Variants in NUDCD3 observed in about 807,000 individuals in gnomAD.
NUDCD3 encodes nudC domain-containing protein 3.
In NUDCD3, 13 loss-of-function variants were observed where a neutral mutation model predicts 39.7. That is an observed-to-expected ratio of 0.33 (90% CI 0.21 to 0.52). The LOEUF is 0.52. NUDCD3 is among the 20% of genes least tolerant of loss of function. The pLI is 0.96. For missense variants in NUDCD3, 453 were observed against 458.1 expected (o/e 0.99, Z 0.10); for synonymous variants, 175 against 172.4 (o/e 1.02, Z -0.12).
chr7:44,444,370 C>T (rs1033482600), intron 2 of NUDCD3, among the ~76,000 whole-genome samples: 2 of 152,106 alleles, frequency 1.3e-5, no homozygotes, highest in African/African-American at 2.4e-5. Flanking sequence ...AAGACCTGTC[C>T]GAGGTGTCCC....
chr7:44,489,826 TAC>T (rs1800694746), intron 1 of NUDCD3: 1 of 152,382 alleles, frequency 6.6e-6, no homozygotes, highest in African/African-American at 2.4e-5. Context: ...TGCTTACCAC[TAC>T]ATTCAAAAGT....
intron 3 of NUDCD3, among the ~76,000 whole-genome samples, chr7:44,415,009 G>A (rs1047359644): frequency 2.0e-5 from 3 of 152,178 alleles, no homozygotes; most frequent in Non-Finnish European, 4.4e-5. Flanking sequence ...ATCTATGAGA[G>A]GAAGAAGACT....
At chr7:44,485,787 G>C (rs1440791032) in intron 1 of NUDCD3, among the ~76,000 whole-genome samples, 1 of 152,212 alleles carries the variant, frequency 6.6e-6, no homozygotes, top group South Asian at 2.1e-4. Flanking sequence ...CCTACAGTGT[G>C]CAAGAAACAC....
intron 3 of NUDCD3, among the ~76,000 whole-genome samples, chr7:44,415,635 G>A (rs1799006394): frequency 6.6e-6 from 1 of 152,094 alleles, no homozygotes; most frequent in Non-Finnish European, 1.5e-5. Context: ...TACAGAAAAG[G>A]GATCAATGAG....
At chr7:44,427,229 G>A (rs1378756962) in intron 3 of NUDCD3, among the ~76,000 whole-genome samples, 1 of 152,174 alleles carries the variant, frequency 6.6e-6, no homozygotes, top group Non-Finnish European at 1.5e-5. Flanking sequence ...CTTGAAAACT[G>A]AGAAGCTGGC....
intron 3 of NUDCD3, among the ~76,000 whole-genome samples, chr7:44,407,288 G>A (rs1024547041): frequency 8.6e-5 from 13 of 150,458 alleles, no homozygotes; most frequent in African/African-American, 2.2e-4. Flanking sequence ...AAAAAAGACC[G>A]GGCATGGTGG....
chr7:44,476,092 C>T (rs1800363159), intron 2 of NUDCD3, among the ~76,000 whole-genome samples: 1 of 152,098 alleles, frequency 6.6e-6, no homozygotes, highest in South Asian at 2.1e-4. Flanking sequence ...CGTGACTCTA[C>T]AAAGGGGTCT....
At chr7:44,400,208 C>T (rs1478478767) in intron 4 of NUDCD3, among the ~76,000 whole-genome samples, 2 of 151,858 alleles carry the variant, frequency 1.3e-5, no homozygotes, top group Admixed American at 6.6e-5. Flanking sequence ...TTTACATCTT[C>T]GTAACCAAGA....
At chr7:44,471,237 C>A (rs150433437) in intron 2 of NUDCD3, among the ~76,000 whole-genome samples, 1 of 152,296 alleles carries the variant, frequency 6.6e-6, no homozygotes, top group East Asian at 1.9e-4. Context: ...TGCATATGCA[C>A]GTCCTCATGT....
chr7:44,408,509 A>C (rs778096416), intron 3 of NUDCD3, among the ~76,000 whole-genome samples: 21 of 152,240 alleles, frequency 1.4e-4, no homozygotes, highest in Non-Finnish European at 2.6e-4. Flanking sequence ...AAAGAAGGGC[A>C]GCAAGAACCC....
At chr7:44,430,786 C>A (rs911786631) in intron 2 of NUDCD3, among the ~76,000 whole-genome samples, 2 of 152,206 alleles carry the variant, frequency 1.3e-5, no homozygotes, top group African/African-American at 4.8e-5. Flanking sequence ...CCAGTGATGC[C>A]CACATGGGTT....
chr7:44,450,016 C>T (rs1009793118), intron 2 of NUDCD3, among the ~76,000 whole-genome samples: 1 of 152,020 alleles, frequency 6.6e-6, no homozygotes, highest in African/African-American at 2.4e-5. Context: ...GCAGAAAGCT[C>T]TCAAAATTCA....
At chr7:44,463,621 A>G (rs1361201051) in intron 2 of NUDCD3, among the ~76,000 whole-genome samples, 1 of 152,166 alleles carries the variant, frequency 6.6e-6, no homozygotes, top group African/African-American at 2.4e-5. Flanking sequence ...ACAGCCTCCA[A>G]GTGGTGTGAG....
chr7:44,387,553 T>A (rs757825523), intron 5 of NUDCD3, among the ~76,000 whole-genome samples: 1 of 152,170 alleles, frequency 6.6e-6, no homozygotes, highest in Non-Finnish European at 1.5e-5. Context: ...AACACAAGAA[T>A]GGATGACTTC....
intron 2 of NUDCD3, among the ~76,000 whole-genome samples, chr7:44,429,253 C>T (rs1799303381): frequency 6.6e-6 from 1 of 152,156 alleles, no homozygotes; most frequent in Non-Finnish European, 1.5e-5. Context: ...CCCAGGACCT[C>T]AGAATGTGAC....
intron 3 of NUDCD3, among the ~76,000 whole-genome samples, chr7:44,424,594 T>C (rs1799199550): frequency 6.6e-6 from 1 of 152,266 alleles, no homozygotes; most frequent in East Asian, 1.9e-4. Flanking sequence ...CGAGATACCA[T>C]CTCATGCCAG....
intron 2 of NUDCD3, among the ~76,000 whole-genome samples, chr7:44,436,481 CA>C (rs1250526845): frequency 6.6e-6 from 1 of 152,184 alleles, no homozygotes; most frequent in Non-Finnish European, 1.5e-5. Flanking sequence ...TATACATATA[CA>C]ACTTTAAGAG....
intron 2 of NUDCD3, among the ~76,000 whole-genome samples, chr7:44,444,878 C>T (rs1387761265): frequency 6.6e-6 from 1 of 152,212 alleles, no homozygotes; most frequent in Admixed American, 6.5e-5. Context: ...TTATTCCCAG[C>T]GAAACATCTT....
At chr7:44,468,337 A>G (rs1585100004) in intron 2 of NUDCD3, 3 of 979,964 alleles carry the variant, frequency 3.1e-6, no homozygotes, top group East Asian at 5.1e-5. Flanking sequence ...GTTTAAATAA[A>G]TGTAAAAACT....
Sources: gnomAD v4.1 joint callset for allele counts (sites outside exome capture counted in the v4.1 genomes callset) on GRCh38, gnomAD v4.1.1 for gene constraint, MANE v1.5 for transcripts, NCBI Gene and HGNC (gene_info 2026-07-23, HGNC 2026-07-21) for gene names.